ARPC5L: variants seen among roughly 807,000 people sequenced by gnomAD.
ARPC5L encodes the protein actin-related protein 2/3 complex subunit 5-like protein.
Under a neutral mutation model 16.9 loss-of-function variants are expected in ARPC5L, and 4 were observed. That is an observed-to-expected ratio of 0.24 (90% CI 0.12 to 0.54). The LOEUF (loss-of-function observed/expected upper bound fraction) is 0.54. Ranked by LOEUF, ARPC5L falls within the 20% of genes least tolerant of loss-of-function variation. The pLI is 0.95. For missense variants in ARPC5L, 151 were observed against 201.9 expected (o/e 0.75, Z 1.53); for synonymous variants, 78 against 82.6 (o/e 0.94, Z 0.30).
chr9:124,867,825 T>G lies in ARPC5L; in HGVS notation c.-863-603T>G, dbSNP rs1829293955. Among the ~76,000 whole-genome samples the G allele has an allele frequency of 5.3e-5, 8 of 150,472 alleles. No individual in the cohort carries two copies. The South Asian group carries it at 1.7e-3, about 31-fold the overall frequency. On this transcript the variant is annotated intron_variant, in intron 2 of 5. Transcript: ENST00000353214. The stretch of plus-strand genomic sequence containing the variant: ...TTTCTTTTCTTTTTTTTTTTTTTTT[T>G]TGAGACGGAGTTTTGCTCTTGTCGC...
chr9:124,869,462 C>T (rs1158144622), intron 3 of ARPC5L, 23 bp downstream of exon 3: 1 of 1,428,028 alleles, frequency 7.0e-7, no homozygotes, highest in Non-Finnish European at 9.1e-7. Context: ...GACGCGGCGT[C>T]CGGGCCTGCG....
rs191272445 is a variant in ARPC5L, at chr9:124,870,382, G to T, written c.149+943G>T. Among the ~76,000 whole-genome samples, 208 of 152,198 alleles carry T rather than the reference G, an allele frequency of 1.4e-3. 3 individuals are homozygous for T. Among genetic ancestry groups the T allele is most frequent in the African/African-American group, 4.5e-3 (186 of 41,522 alleles). ...CGGAAGGATTTTTCTTTATTCAAAT[G>T]GTGTTCCAGGAAGCCTGTCCCCTCC... On this transcript the variant is annotated intron_variant, in intron 3 of 5. Coordinates refer to ENST00000353214, the MANE Select transcript of ARPC5L (RefSeq NM_030978.3).
chr9:124,872,502 CAGG>C (rs1829374170), intron 3 of ARPC5L: 1 of 152,038 alleles, frequency 6.6e-6, no homozygotes, highest in African/African-American at 2.4e-5. Flanking sequence ...GAGGCTGAGG[CAGG>C]AGAATGGCAT....
chr9:124,865,824 G>A (rs1035576872), intron 2 of ARPC5L, among the ~76,000 whole-genome samples: 4 of 150,870 alleles, frequency 2.7e-5, no homozygotes, highest in Admixed American at 1.3e-4. Flanking sequence ...AACAAAATTG[G>A]GACTGGGCGT....
At chr9:124,863,517 G>A (rs886118689) in intron 1 of ARPC5L, among the ~76,000 whole-genome samples, 4 of 152,210 alleles carry the variant, frequency 2.6e-5, no homozygotes, top group African/African-American at 9.7e-5. Context: ...TAGTAGTTGA[G>A]ACTCTTGGGA....
chr9:124,872,784 G>C (rs957905111), intron 3 of ARPC5L: 12 of 152,384 alleles, frequency 7.9e-5, no homozygotes, highest in African/African-American at 2.9e-4. Flanking sequence ...GCCTGGTGGC[G>C]CAGACCCAGC....
Position 124,869,209 on chromosome 9 carries a change from C to A in ARPC5L, c.-82C>A. 7.4e-7 allele frequency: 1 copy of A among 1,346,408 alleles called. No individual in the cohort carries two copies. Among genetic ancestry groups the A allele is most frequent in the Non-Finnish European group, 9.6e-7 (1 of 1,043,428 alleles). The allele number at this position is 1,346,408 out of a possible 1,614,324, so 83.4% of individuals were successfully genotyped here. On this transcript the variant is annotated 5_prime_UTR_variant, in exon 3 of 6. Coordinates refer to ENST00000353214, the MANE Select transcript of ARPC5L (RefSeq NM_030978.3). Reference sequence around the variant, plus strand: ...GCAGCCGGGCAGCCGCTTCCCGCCCCCGAGCAGGAGCCGGTGCGAGCGGAG... The same window carrying A: ...GCAGCCGGGCAGCCGCTTCCCGCCCACGAGCAGGAGCCGGTGCGAGCGGAG...
At chr9:124,873,883 G>A (rs1829396975) in intron 4 of ARPC5L, 119 bp downstream of exon 4, 3 of 1,262,166 alleles carry the variant, frequency 2.4e-6, no homozygotes, top group South Asian at 2.5e-5. Flanking sequence ...ACTGGGCGGG[G>A]CTTCCAGGGA....
At chr9:124,876,596 C>T (rs1050025624) in intron 5 of ARPC5L, among the ~76,000 whole-genome samples, 1 of 152,200 alleles carries the variant, frequency 6.6e-6, no homozygotes, top group African/African-American at 2.4e-5. Context: ...GTGATCTGGG[C>T]AACAGAGTGA....
Position 124,869,365 on chromosome 9 carries a change from C to A in ARPC5L, c.75C>A (p.Asp25Glu). Residue 25 changes from aspartate (D) to glutamate (E), a missense_variant, in exon 3 of 6, where the codon GAC becomes GAA. Asp to Glu is a conservative substitution (Grantham distance 45). Transcript: ENST00000353214. ...AATTTGACGAGAACAAATTTGTGGA[C>A]GAGCAGGAGGAGGCGGCGGCGGCGG... ...IDEFDENKFV[D>E]EQEEAAAAAA... The A allele has an allele frequency of 1.3e-6, 2 of 1,530,998 alleles. No individual in the cohort carries two copies. Among genetic ancestry groups the A allele is most frequent in the Non-Finnish European group, 1.8e-6 (2 of 1,138,590 alleles). The allele number at this position is 1,530,998 out of a possible 1,614,324, so 94.8% of individuals were successfully genotyped here. A position where few individuals can be genotyped will look rare whatever the true frequency, so the allele number is the denominator to read the frequency against.
At chr9:124,870,566 T>G (rs1286016714) in intron 3 of ARPC5L, among the ~76,000 whole-genome samples, 1 of 152,136 alleles carries the variant, frequency 6.6e-6, no homozygotes, top group Non-Finnish European at 1.5e-5. Context: ...CCTTCAGACT[T>G]GATTTGAACA....
intron 1 of ARPC5L, 105 bp from the exon 2 acceptor site, chr9:124,863,883 A>G (rs898895695): frequency 6.6e-6 from 1 of 152,232 alleles, no homozygotes; most frequent in African/African-American, 2.4e-5. Context: ...ACCACCCACA[A>G]GGAGACTTCT....
intron 2 of ARPC5L, among the ~76,000 whole-genome samples, chr9:124,867,432 G>A (rs867750757): frequency 5.9e-5 from 9 of 152,142 alleles, no homozygotes; most frequent in African/African-American, 1.4e-4. Flanking sequence ...GAGCCACTGC[G>A]CCCGGCCAGG....
chr9:124,874,514 G>A (rs1588045226), intron 4 of ARPC5L, among the ~76,000 whole-genome samples: 1 of 152,076 alleles, frequency 6.6e-6, no homozygotes, highest in Non-Finnish European at 1.5e-5. Context: ...GCAACATAGC[G>A]AGACTTTGTC....
chr9:124,863,500 G>A (rs1356881232), intron 1 of ARPC5L, among the ~76,000 whole-genome samples: 2 of 152,186 alleles, frequency 1.3e-5, no homozygotes, highest in Non-Finnish European at 2.9e-5. Flanking sequence ...TTGCTCTGCT[G>A]CCAAGGTAGT....
chr9:124,871,118 G>T (rs1477828954), intron 3 of ARPC5L, among the ~76,000 whole-genome samples: 1 of 152,110 alleles, frequency 6.6e-6, no homozygotes, highest in East Asian at 1.9e-4. Flanking sequence ...ACTTATATTA[G>T]ACCATTGAGG....
chr9:124,873,495 T>C (rs889634800), intron 3 of ARPC5L, 197 bp from the exon 4 acceptor site: 1 of 614,784 alleles, frequency 1.6e-6, no homozygotes, highest in African/African-American at 1.8e-5. Context: ...AAAGGAGGGT[T>C]TGCATGGTTG....
At chr9:124,869,648 G>T (rs1290768209) in intron 3 of ARPC5L, among the ~76,000 whole-genome samples, 1 of 152,168 alleles carries the variant, frequency 6.6e-6, no homozygotes, top group Non-Finnish European at 1.5e-5. Context: ...CAGCCCTGGC[G>T]CCTTCTTCTG....
intron 3 of ARPC5L, 112 bp downstream of exon 3, chr9:124,869,551 C>T (rs1647118690): frequency 2.9e-6 from 4 of 1,378,608 alleles, no homozygotes; most frequent in Non-Finnish European, 3.7e-6. Flanking sequence ...ACCCTTGGCC[C>T]CCTCAGGTCA....
Sources: allele counts gnomAD v4.1 joint callset (sites outside exome capture counted in the v4.1 genomes callset), GRCh38; gene constraint gnomAD v4.1.1; transcripts MANE v1.5; gene names NCBI Gene and HGNC (gene_info 2026-07-23, HGNC 2026-07-21).